COPB1: variants seen among roughly 807,000 people sequenced by gnomAD.
The protein encoded by COPB1 is coatomer subunit beta.
Under a neutral mutation model 108.7 loss-of-function variants are expected in COPB1, and 21 were observed. That is an observed-to-expected ratio of 0.19 (90% CI 0.14 to 0.28). The LOEUF is 0.28. Ranked by LOEUF, COPB1 falls within the 10% of genes least tolerant of loss-of-function variation. COPB1 has a pLI of 1.00. For synonymous variants in COPB1, 378 were observed against 386.8 expected (o/e 0.98, Z 0.27); for missense variants, 919 against 1,141.3 (o/e 0.81, Z 2.81).
chr11:14,496,128 T>TA (rs1258213123), intron 2 of COPB1, among the ~76,000 whole-genome samples: 1 of 152,220 alleles, frequency 6.6e-6, no homozygotes, highest in Non-Finnish European at 1.5e-5. Flanking sequence ...AACTATCTTC[T>TA]AAAAGATCCT....
intron 18 of COPB1, among the ~76,000 whole-genome samples, chr11:14,463,899 TC>T (rs1708156128): frequency 6.6e-6 from 1 of 152,196 alleles, no homozygotes; most frequent in Non-Finnish European, 1.5e-5. Context: ...CTGTGTTGGC[TC>T]AAGTCCTCTG....
At chr11:14,484,034 A>G (rs1032125143) in intron 7 of COPB1, among the ~76,000 whole-genome samples, 19 of 151,882 alleles carry the variant, frequency 1.3e-4, no homozygotes, top group African/African-American at 4.6e-4. Flanking sequence ...ACTCCTTGGT[A>G]AGATACACTA....
At position 14,478,942 on chromosome 11, in the gene COPB1, C is replaced by T. The variant is rs187729389; in HGVS notation, c.1358+627G>A. 4.1e-5 allele frequency: 5 copies of T among 121,758 alleles called. No homozygotes were observed. In the East Asian group the frequency reaches 7.6e-4, roughly 18 times the overall value. The allele number at this position is 121,758 out of a possible 1,614,324, so 7.5% of individuals were successfully genotyped here. Reference sequence around the variant, plus strand: ...GTTTAGCAGGCTTTCTGGTTTTTGCCGGAAAGCCCTCTCACAAAAAAAAAA... The same window carrying T: ...GTTTAGCAGGCTTTCTGGTTTTTGCTGGAAAGCCCTCTCACAAAAAAAAAA... On this transcript the variant is annotated intron_variant, in intron 11 of 21. Coordinates refer to ENST00000439561, the MANE Select transcript of COPB1 (RefSeq NM_001144061.2).
rs1175119022 is a variant in COPB1, at chr11:14,466,345, C to T, written c.2227G>A (p.Val743Ile). ...TCACTGGTTTGGTTCACAACAAGTA[C>T]ATCCAGGACAATATCATATTGGTTG... Reference protein sequence around the residue: ...HVNQYDIVLDVLVVNQTSDTL... With the variant: ...HVNQYDIVLDILVVNQTSDTL... Residue 743 changes from valine to isoleucine, a missense_variant, in exon 17 of 22, where the codon GTA (valine) becomes ATA (isoleucine). Transcript: ENST00000439561. The T allele has an allele frequency of 6.2e-7, 1 of 1,613,612 alleles. No homozygotes were observed. Among genetic ancestry groups the T allele is most frequent in the Non-Finnish European group, 8.5e-7 (1 of 1,179,794 alleles).
At chr11:14,470,407 A>C (rs1204565260) in intron 14 of COPB1, among the ~76,000 whole-genome samples, 1 of 152,186 alleles carries the variant, frequency 6.6e-6, no homozygotes, top group Admixed American at 6.5e-5. Flanking sequence ...TAATCTTTAT[A>C]CTGCACCAAT....
Position 14,469,357 on chromosome 11 carries a change from T to C in COPB1, c.1944A>G (p.Glu648=). The change falls in exon 15 of 22, where the codon GAA becomes GAG. Residue 648 remains glutamate (E), a synonymous_variant. Transcript: ENST00000439561. The part of the protein sequence containing the change: ...SLSHMLSAKL[E]EEKLSQKKES... Reference sequence around the variant, plus strand: ...TTACCTTTTGGGATAATTTCTCTTCTTCTAGTTTAGCAGATAACATGTGAG... The same window carrying C: ...TTACCTTTTGGGATAATTTCTCTTCCTCTAGTTTAGCAGATAACATGTGAG... 2 of 1,613,992 alleles carry C rather than the reference T, an allele frequency of 1.2e-6. No individual in the cohort carries two copies. Among genetic ancestry groups the C allele is most frequent in the Non-Finnish European group, 1.7e-6 (2 of 1,179,868 alleles).
chr11:14,490,774 CT>C, intron 4 of COPB1, 95 bp from the exon 5 acceptor site: 1 of 669,872 alleles, frequency 1.5e-6, no homozygotes, highest in South Asian at 2.2e-5. Flanking sequence ...TTTAATCAAA[CT>C]TTACAACATA....
intron 16 of COPB1, among the ~76,000 whole-genome samples, chr11:14,467,026 A>G (rs965428655): frequency 6.6e-6 from 1 of 152,208 alleles, no homozygotes; most frequent in South Asian, 2.1e-4. Flanking sequence ...AAGCATAGGC[A>G]ATAAAAGAAA....
At chr11:14,494,657 A>T in intron 2 of COPB1, 1 of 437,018 alleles carries the variant, frequency 2.3e-6, no homozygotes, top group Non-Finnish European at 4.1e-6. Flanking sequence ...CAGACTCTTT[A>T]TATATAATAT....
intron 12 of COPB1, among the ~76,000 whole-genome samples, 160 bp from the exon 13 acceptor site, chr11:14,476,105 T>A (rs1161440645): frequency 2.0e-5 from 3 of 152,200 alleles, no homozygotes; most frequent in Non-Finnish European, 4.4e-5. Flanking sequence ...GATAATGTAG[T>A]AGGTAGAATA....
At position 14,475,072 on chromosome 11, in the gene COPB1, C is replaced by T. The variant is rs982798440; in HGVS notation, c.1617-457G>A. 6.8e-5 allele frequency among the ~76,000 whole-genome samples: 8 copies of T among 118,374 alleles called. No homozygotes were observed. The Admixed American group carries it at 8.4e-4, about 12-fold the overall frequency. 77.7% of individuals were successfully genotyped at this position (118,374 alleles called of 152,430 possible). On this transcript the variant is annotated intron_variant, in intron 13 of 21. Coordinates refer to ENST00000439561, the MANE Select transcript of COPB1 (RefSeq NM_001144061.2). ...TCGCGCCACTGCACTCTAGCGTGGCCGACAGAGCAAGACTCTGTGTCAAAA... is the reference window on the plus strand; with the variant it reads ...TCGCGCCACTGCACTCTAGCGTGGCTGACAGAGCAAGACTCTGTGTCAAAA...
intron 2 of COPB1, among the ~76,000 whole-genome samples, chr11:14,495,880 A>G (rs969306338): frequency 4.6e-5 from 7 of 152,222 alleles, no homozygotes; most frequent in African/African-American, 1.7e-4. Context: ...TAATGAATGT[A>G]TTCACTATTT....
chr11:14,487,714 T>G (rs886883352), intron 6 of COPB1, among the ~76,000 whole-genome samples: 2 of 151,164 alleles, frequency 1.3e-5, no homozygotes, highest in African/African-American at 4.9e-5. Flanking sequence ...AAAAAAAAAC[T>G]GTACAGTAAG....
intron 14 of COPB1, among the ~76,000 whole-genome samples, chr11:14,471,638 C>T (rs1452325459): frequency 2.6e-5 from 4 of 152,124 alleles, no homozygotes; most frequent in African/African-American, 9.7e-5. Context: ...AAGAACCTGG[C>T]CAGGCACGGT....
At chr11:14,474,421 T>C (rs748659224) in intron 14 of COPB1, 74 bp downstream of exon 14, 1 of 1,353,202 alleles carries the variant, frequency 7.4e-7, no homozygotes, top group Non-Finnish European at 1.0e-6. Flanking sequence ...AATTTTTGAG[T>C]CCCTCACTGT....
Position 14,475,960 on chromosome 11 carries a change from G to A in COPB1, c.1456-15C>T. ...ACAATTGGGATCTAAAAGTCAATTG[G>A]AAACATCATTTTAGTAATAGTATCA... On this transcript the variant is annotated splice_polypyrimidine_tract_variant and intron_variant, in intron 12 of 21. Transcript: ENST00000439561. 1 of 1,564,188 alleles carries A rather than the reference G, an allele frequency of 6.4e-7. No individual in the cohort carries two copies. Among genetic ancestry groups the A allele is most frequent in the Non-Finnish European group, 8.6e-7 (1 of 1,157,828 alleles).
intron 10 of COPB1, among the ~76,000 whole-genome samples, chr11:14,480,280 T>G (rs1173746638): frequency 1.3e-5 from 2 of 152,114 alleles, no homozygotes; most frequent in African/African-American, 2.4e-5. Context: ...ATGAATTCGA[T>G]CCTCCTAAAT....
chr11:14,465,180 A>C, intron 17 of COPB1, 150 bp from the exon 18 acceptor site: 1 of 1,127,618 alleles, frequency 8.9e-7, no homozygotes, highest in Non-Finnish European at 1.2e-6. Context: ...CGAATATGAG[A>C]AGAGTATGAA....
chr11:14,476,126 A>G (rs757037727), intron 12 of COPB1, among the ~76,000 whole-genome samples, 181 bp from the exon 13 acceptor site: 15 of 152,204 alleles, frequency 9.9e-5, no homozygotes, highest in Non-Finnish European at 1.8e-4. Flanking sequence ...GGGGCTTCAG[A>G]GATGGATATT....
Sources: allele counts gnomAD v4.1 joint callset (sites outside exome capture counted in the v4.1 genomes callset), GRCh38; gene constraint gnomAD v4.1.1; transcripts MANE v1.5; gene names NCBI Gene and HGNC (gene_info 2026-07-23, HGNC 2026-07-21).